Variants in LTBP1 observed in about 807,000 individuals in gnomAD.
The protein encoded by LTBP1 is latent-transforming growth factor beta-binding protein 1.
LTBP1 carries 129 observed loss-of-function variants against 207.6 expected under a neutral mutation model. The observed-to-expected ratio is 0.62, with a 90% CI of 0.54 to 0.72. The LOEUF (loss-of-function observed/expected upper bound fraction) is 0.72, where lower values mean the gene tolerates loss of function less well. LTBP1 is among the 30% of genes least tolerant of loss of function. LTBP1 has a pLI of 0.00. For synonymous variants in LTBP1, 963 were observed against 833.7 expected (o/e 1.16, Z -2.67); for missense variants, 2,281 against 2,217.2 (o/e 1.03, Z -0.58).
intron 5 of LTBP1, among the ~76,000 whole-genome samples, chr2:33,138,230 T>G (rs2082298478): frequency 6.6e-6 from 1 of 152,222 alleles, no homozygotes; most frequent in Non-Finnish European, 1.5e-5. Flanking sequence ...CTATTGAGCA[T>G]GCAGTCTCTG....
At chr2:33,139,062 G>C in intron 5 of LTBP1, among the ~76,000 whole-genome samples, 2 of 151,586 alleles carry the variant, frequency 1.3e-5, no homozygotes, top group Middle Eastern at 6.8e-3. Flanking sequence ...GTTTCACCGT[G>C]TTAGCCAGGA....
chr2:33,163,624 C>T (rs557514920), intron 5 of LTBP1, among the ~76,000 whole-genome samples: 1 of 152,286 alleles, frequency 6.6e-6, no homozygotes, highest in Non-Finnish European at 1.5e-5. Flanking sequence ...AGTTGCTGGA[C>T]ACCCTAAATA....
chr2:33,147,183 G>A (rs1221461667), intron 5 of LTBP1, among the ~76,000 whole-genome samples: 1 of 152,154 alleles, frequency 6.6e-6, no homozygotes, highest in African/African-American at 2.4e-5. Context: ...CTGCACCCCA[G>A]GGTCTCTAAA....
chr2:33,183,909 A>T (rs2086913761), intron 5 of LTBP1, among the ~76,000 whole-genome samples: 1 of 152,096 alleles, frequency 6.6e-6, no homozygotes. Context: ...TTTTGACTTG[A>T]TCTGCAGCCT....
At chr2:33,148,889 G>A (rs1476659548) in intron 5 of LTBP1, among the ~76,000 whole-genome samples, 4 of 152,232 alleles carry the variant, frequency 2.6e-5, no homozygotes, top group South Asian at 2.1e-4. Flanking sequence ...GGTGGAGGCC[G>A]GGGATGCTGT....
chr2:33,001,790 G>C (rs192134735), intron 2 of LTBP1, among the ~76,000 whole-genome samples: 1 of 135,400 alleles, frequency 7.4e-6, no homozygotes, highest in African/African-American at 2.6e-5. Flanking sequence ...CTTATTGCCA[G>C]GGCTTGATTA....
At chr2:33,083,673 T>TACCAAGGG (rs2078578267) in intron 3 of LTBP1, among the ~76,000 whole-genome samples, 2 of 152,194 alleles carry the variant, frequency 1.3e-5, no homozygotes, top group African/African-American at 4.8e-5. Flanking sequence ...CCCAAGGCTT[T>TACCAAGGG]AGTTCATGGA....
At chr2:33,346,978 C>T (rs978283669) in intron 25 of LTBP1, among the ~76,000 whole-genome samples, 31 of 151,780 alleles carry the variant, frequency 2.0e-4, no homozygotes, top group African/African-American at 6.8e-4. Flanking sequence ...ATTAGCGGGG[C>T]GTGGTGGCAG....
chr2:32,979,073 A>C (rs1295098484), intron 2 of LTBP1, among the ~76,000 whole-genome samples: 1 of 150,602 alleles, frequency 6.6e-6, no homozygotes, highest in African/African-American at 2.4e-5. Flanking sequence ...GATTTTATTT[A>C]TTTGGGTCTC....
chr2:32,952,426 C>A (rs952887520), intron 2 of LTBP1, among the ~76,000 whole-genome samples: 1 of 152,132 alleles, frequency 6.6e-6, no homozygotes, highest in Admixed American at 6.5e-5. Flanking sequence ...CCCTAGGAAT[C>A]GAAATTATCG....
chr2:33,113,630 C>T (rs1213827814), intron 4 of LTBP1, among the ~76,000 whole-genome samples: 1 of 152,184 alleles, frequency 6.6e-6, no homozygotes, highest in Non-Finnish European at 1.5e-5. Flanking sequence ...TGTATATTTA[C>T]CAGTCTTCTT....
chr2:33,104,755 A>G (rs2079957314), intron 3 of LTBP1, among the ~76,000 whole-genome samples: 1 of 152,096 alleles, frequency 6.6e-6, no homozygotes, highest in Non-Finnish European at 1.5e-5. Context: ...CTATTCCTAA[A>G]CTCAGAGGCT....
chr2:33,006,828 T>C (rs1222075024), intron 2 of LTBP1, among the ~76,000 whole-genome samples: 1 of 152,130 alleles, frequency 6.6e-6, no homozygotes. Context: ...TTATACCACA[T>C]TTTCACAGTA....
chr2:33,066,448 A>G (rs781418707), intron 3 of LTBP1, among the ~76,000 whole-genome samples: 14 of 152,206 alleles, frequency 9.2e-5, no homozygotes, highest in Non-Finnish European at 1.9e-4. Context: ...ATTAACTTAC[A>G]GTGACTTTTT....
chr2:33,347,347 G>T lies in LTBP1; in HGVS notation c.3857-20G>T. 6.2e-7 allele frequency: 1 copy of T among 1,614,060 alleles called. No individual in the cohort carries two copies. The highest frequency in any genetic ancestry group is 8.5e-7 in the Non-Finnish European group (1 of 1,179,966). On this transcript the variant is annotated intron_variant, in intron 25 of 33. Transcript: ENST00000404816. ...GTGAATGAGGCACACATCTCACTTG[G>T]TCTGTGCTCCCTTTTCCAGATGTGA...
At chr2:33,014,808 C>T (rs188284640) in intron 2 of LTBP1, among the ~76,000 whole-genome samples, 2 of 152,186 alleles carry the variant, frequency 1.3e-5, no homozygotes, top group African/African-American at 4.8e-5. Flanking sequence ...GTACTTGGCG[C>T]ACAGATTGAG....
intron 31 of LTBP1, among the ~76,000 whole-genome samples, chr2:33,374,464 G>A (rs1318841776): frequency 6.6e-6 from 1 of 152,140 alleles, no homozygotes; most frequent in Non-Finnish European, 1.5e-5. Flanking sequence ...ATAACCGCTA[G>A]TCACTTACAA....
At chr2:33,010,380 G>C (rs76127230) in intron 2 of LTBP1, among the ~76,000 whole-genome samples, 21 of 152,226 alleles carry the variant, frequency 1.4e-4, no homozygotes, top group African/African-American at 3.4e-4. Context: ...ATGGGTGTGT[G>C]GGGGGGATGA....
chr2:33,055,068 G>A (rs993876870), intron 3 of LTBP1, among the ~76,000 whole-genome samples: 2 of 152,082 alleles, frequency 1.3e-5, no homozygotes, highest in Non-Finnish European at 2.9e-5. Flanking sequence ...TTGTCTGAGG[G>A]CCATGACTAA....
Sources: allele counts gnomAD v4.1 joint callset (sites outside exome capture counted in the v4.1 genomes callset), GRCh38; gene constraint gnomAD v4.1.1; transcripts MANE v1.5; gene names NCBI Gene and HGNC (gene_info 2026-07-23, HGNC 2026-07-21).